FRMD5: variants seen among roughly 807,000 people sequenced by gnomAD.
The protein encoded by FRMD5 is FERM domain-containing protein 5.
In FRMD5, 20 loss-of-function variants were observed where a neutral mutation model predicts 69.0. The observed-to-expected ratio is 0.29, with a 90% CI of 0.20 to 0.42. The LOEUF is 0.42. Among genes scored for constraint, FRMD5 ranks in the 10% least tolerant of loss-of-function variants. The pLI, the probability that FRMD5 is intolerant of heterozygous loss-of-function variation, is 1.00. For synonymous variants in FRMD5, 271 were observed against 260.1 expected, an observed-to-expected ratio of 1.04 and a Z score of -0.40; for missense variants, 595 against 708.6, an observed-to-expected ratio of 0.84 and a Z score of 1.82.
intron 1 of FRMD5, among the ~76,000 whole-genome samples, chr15:44,118,981 T>G (rs1206323494): frequency 6.6e-6 from 1 of 151,882 alleles, no homozygotes; most frequent in East Asian, 1.9e-4. Context: ...TTTTATTTTT[T>G]AGACAGGGTC....
At chr15:43,980,448 T>A (rs926931230) in intron 1 of FRMD5, among the ~76,000 whole-genome samples, 2 of 152,222 alleles carry the variant, frequency 1.3e-5, no homozygotes, top group Non-Finnish European at 2.9e-5. Flanking sequence ...TTTCCTTATT[T>A]ACCTCCTAAA....
intron 1 of FRMD5, among the ~76,000 whole-genome samples, chr15:43,956,092 T>C (rs529837246): frequency 6.6e-6 from 1 of 152,310 alleles, no homozygotes; most frequent in African/African-American, 2.4e-5. Flanking sequence ...ACACTTAGAG[T>C]AGATCCATTT....
chr15:44,008,423 C>G (rs1359605281), intron 1 of FRMD5, among the ~76,000 whole-genome samples: 1 of 151,640 alleles, frequency 6.6e-6, no homozygotes, highest in East Asian at 2.0e-4. Flanking sequence ...GCCATCACAC[C>G]TGGCTATTTT....
Position 43,909,864 on chromosome 15 carries a change from C to T in FRMD5, c.427+18G>A, listed in dbSNP as rs989172880. On this transcript the variant is annotated intron_variant, in intron 5 of 13. Coordinates refer to ENST00000417257, the MANE Select transcript of FRMD5 (RefSeq NM_032892.5). ...TACTTGGCATGAAAAGCAAACTTAT[C>T]CTGTCAAAAGTCATTACCTTGAAGG... 3 of 1,516,704 alleles carry T rather than the reference C, an allele frequency of 2.0e-6. No homozygotes were observed. The African/African-American group carries it at 4.1e-5, about 21-fold the overall frequency. The allele number at this position is 1,516,704 out of a possible 1,614,324, so 94.0% of individuals were successfully genotyped here.
At chr15:44,002,338 G>A (rs1201550662) in intron 1 of FRMD5, among the ~76,000 whole-genome samples, 1 of 152,052 alleles carries the variant, frequency 6.6e-6, no homozygotes, top group Admixed American at 6.5e-5. Flanking sequence ...ATCCATTTCT[G>A]TATCTCAATG....
chr15:44,179,945 GGGA>G (rs1381022052), intron 1 of FRMD5, among the ~76,000 whole-genome samples: 1 of 151,830 alleles, frequency 6.6e-6, no homozygotes, highest in African/African-American at 2.4e-5. Flanking sequence ...AAGCTGGAGT[GGGA>G]GGATCATTTG....
intron 5 of FRMD5, 32 bp from the exon 6 acceptor site, chr15:43,905,983 T>C (rs1330885409): frequency 6.2e-7 from 1 of 1,613,896 alleles, no homozygotes; most frequent in Admixed American, 1.7e-5. Flanking sequence ...AAAACAATTG[T>C]GGAGACAGGT....
Position 43,885,765 on chromosome 15 carries a change from G to C in FRMD5, c.885-10C>G. ...GCTTGACTTCTCCAGCCTGTAGCAAGGCAAAGTCCAGTGTGATAGACAGCC... is the reference window on the plus strand; with the variant it reads ...GCTTGACTTCTCCAGCCTGTAGCAACGCAAAGTCCAGTGTGATAGACAGCC... On this transcript the variant is annotated splice_polypyrimidine_tract_variant and intron_variant, in intron 10 of 13. Transcript: ENST00000417257. The C allele has an allele frequency of 6.2e-7, 1 of 1,613,302 alleles. No homozygotes were observed. The highest frequency in any genetic ancestry group is 8.5e-7 in the Non-Finnish European group (1 of 1,179,194).
chr15:44,020,316 A>G (rs1053622715), intron 1 of FRMD5, among the ~76,000 whole-genome samples: 4 of 152,118 alleles, frequency 2.6e-5, no homozygotes, highest in Non-Finnish European at 5.9e-5. Context: ...CCCTCACCCC[A>G]GTATTGTAGC....
At position 43,871,534 on chromosome 15, in the gene FRMD5, A is replaced by C. The variant is rs2140321655; in HGVS notation, c.*2351T>G. ...GTGGACACCAGCCCCCTGTCTCCTG[A>C]CAGCCTTTTCATCTCTGGGTCTACT... is the stretch of plus-strand genomic sequence containing the variant. On this transcript the variant is annotated 3_prime_UTR_variant, in exon 14 of 14. Coordinates refer to ENST00000417257, the MANE Select transcript of FRMD5 (RefSeq NM_032892.5). 1 of 152,348 alleles carries C rather than the reference A, an allele frequency of 6.6e-6. No homozygotes were observed. The highest frequency in any genetic ancestry group is 2.1e-4 in the South Asian group (1 of 4,828). 9.4% of individuals were successfully genotyped at this position (152,348 alleles called of 1,614,324 possible).
rs1162356403 is a variant in FRMD5 at position 43,884,697 on chromosome 15, CTGTT to C, written c.1028+26_1028+29del. The C allele has an allele frequency of 4.4e-6, 7 of 1,600,746 alleles. No individual in the cohort carries two copies. The Admixed American group carries it at 6.7e-5, about 15-fold the overall frequency. ...TGAGATTCTGGGATCTGAGCTACAA[CTGTT>C]TGGGGGGAAGCCCCTGGCAGCCTAC... On this transcript the variant is annotated intron_variant, in intron 12 of 13. Transcript: ENST00000417257.
intron 1 of FRMD5, among the ~76,000 whole-genome samples, chr15:44,083,247 T>C (rs1352229290): frequency 6.6e-6 from 1 of 151,998 alleles, no homozygotes; most frequent in Non-Finnish European, 1.5e-5. Context: ...GATGAAGACA[T>C]GTAATCTCAC....
chr15:43,986,580 A>C (rs1889402553), intron 1 of FRMD5, among the ~76,000 whole-genome samples: 1 of 152,252 alleles, frequency 6.6e-6, no homozygotes, highest in South Asian at 2.1e-4. Flanking sequence ...CACTGAAAGC[A>C]CAAAGTGTAA....
chr15:44,071,489 T>C (rs1335553256), intron 1 of FRMD5, among the ~76,000 whole-genome samples: 3 of 152,078 alleles, frequency 2.0e-5, no homozygotes, highest in African/African-American at 7.2e-5. Context: ...AGTAGTCAAG[T>C]GTACTATAAA....
intron 1 of FRMD5, among the ~76,000 whole-genome samples, chr15:44,047,902 C>A (rs556771686): frequency 6.6e-6 from 1 of 152,248 alleles, no homozygotes; most frequent in Admixed American, 6.5e-5. Context: ...CTTTTTATTG[C>A]AAAATCATAT....
intron 8 of FRMD5, among the ~76,000 whole-genome samples, chr15:43,889,439 A>C (rs2088744146): frequency 6.6e-6 from 1 of 152,180 alleles, no homozygotes. Flanking sequence ...GATTACATGG[A>C]ACAGTCATGC....
rs1208359105 is a variant in FRMD5, at chr15:43,892,069, C to T, written c.640G>A (p.Asp214Asn). 4.3e-6 allele frequency: 7 copies of T among 1,613,758 alleles called. No homozygotes were observed. The highest frequency in any genetic ancestry group is 5.9e-6 in the Non-Finnish European group (7 of 1,179,816). ...TYGVDPHPCK[D>N]VSGNAAFLAF... ...AGAAATGCAGCATTTCCTGACACGTCCTGCAACACAGAAAGACTTCTCATC... is the reference window on the plus strand; with the variant it reads ...AGAAATGCAGCATTTCCTGACACGTTCTGCAACACAGAAAGACTTCTCATC... The change falls in exon 8 of 14, where the codon GAC becomes AAC. Residue 214 changes from aspartate (D) to asparagine (N), a missense_variant and splice_region_variant. Coordinates refer to ENST00000417257, the MANE Select transcript of FRMD5 (RefSeq NM_032892.5).
At chr15:44,126,991 T>C (rs1297316655) in intron 1 of FRMD5, among the ~76,000 whole-genome samples, 1 of 152,254 alleles carries the variant, frequency 6.6e-6, no homozygotes, top group Non-Finnish European at 1.5e-5. Flanking sequence ...CTAATGAATG[T>C]TCATTCTGCA....
intron 1 of FRMD5, among the ~76,000 whole-genome samples, chr15:44,106,785 C>T (rs375365410): frequency 4.6e-5 from 7 of 152,292 alleles, no homozygotes; most frequent in African/African-American, 1.7e-4. Context: ...ACAACTAGTA[C>T]TGGGACTGAA....
Sources: gnomAD v4.1 joint callset for allele counts (sites outside exome capture counted in the v4.1 genomes callset) on GRCh38, gnomAD v4.1.1 for gene constraint, MANE v1.5 for transcripts, NCBI Gene and HGNC (gene_info 2026-07-23, HGNC 2026-07-21) for gene names.